Variants in KPNA3 observed in about 807,000 individuals in gnomAD.
KPNA3 encodes the protein karyopherin subunit alpha 3.
KPNA3 carries 13 observed loss-of-function variants against 73.8 expected under a neutral mutation model. The observed-to-expected ratio is 0.18, with a 90% CI of 0.11 to 0.28. The LOEUF is 0.28. Ranked by LOEUF, KPNA3 falls within the 10% of genes least tolerant of loss-of-function variation. The pLI is 1.00. For missense variants in KPNA3, 360 were observed against 618.1 expected (o/e 0.58, Z 4.43); for synonymous variants, 186 against 206.9 (o/e 0.90, Z 0.87).
chr13:49,791,978 G>A (rs1178211973), intron 1 of KPNA3, among the ~76,000 whole-genome samples: 1 of 152,328 alleles, frequency 6.6e-6, no homozygotes, highest in African/African-American at 2.4e-5. Flanking sequence ...AGCCCGGACC[G>A]GCAGAGCCGA....
At chr13:49,788,712 AC>A (rs1348851364) in intron 1 of KPNA3, among the ~76,000 whole-genome samples, 9 of 115,570 alleles carry the variant, frequency 7.8e-5, no homozygotes, top group African/African-American at 3.4e-4. Context: ...ACAGAGCCAG[AC>A]CCTCTTTTTT....
At chr13:49,759,824 G>A (rs189202726) in intron 1 of KPNA3, among the ~76,000 whole-genome samples, 48 of 152,280 alleles carry the variant, frequency 3.2e-4, no homozygotes, top group African/African-American at 8.2e-4. Flanking sequence ...AATGGGCCAC[G>A]GACTGGTAGT....
intron 2 of KPNA3, among the ~76,000 whole-genome samples, chr13:49,737,191 A>G (rs775785437): frequency 5.3e-5 from 8 of 152,214 alleles, no homozygotes; most frequent in Non-Finnish European, 1.0e-4. Flanking sequence ...ATATGAATAC[A>G]AATCTTCCTT....
chr13:49,710,843 A>G, intron 11 of KPNA3, 48 bp downstream of exon 11: 1 of 1,539,076 alleles, frequency 6.5e-7, no homozygotes, highest in Non-Finnish European at 8.9e-7. Context: ...TTAACTGGTT[A>G]TAGCAAACAC....
At chr13:49,714,569 T>C (rs1954288156) in intron 10 of KPNA3, among the ~76,000 whole-genome samples, 1 of 151,962 alleles carries the variant, frequency 6.6e-6, no homozygotes, top group Non-Finnish European at 1.5e-5. Flanking sequence ...TGAAACTAAC[T>C]CCACAAAAAA....
Position 49,700,953 on chromosome 13 carries a change from G to C in KPNA3, c.*847C>G, listed in dbSNP as rs1416549879. ...TTTTCCTTTATACTCAGGGACTCTT[G>C]CTTTCAACTTAAACAGAAGTTCAAG... On this transcript the variant is annotated 3_prime_UTR_variant, in exon 17 of 17. Transcript: ENST00000261667. The C allele has an allele frequency of 6.6e-6, 1 of 152,188 alleles. No homozygotes were observed. Among genetic ancestry groups the C allele is most frequent in the Non-Finnish European group, 1.5e-5 (1 of 67,972 alleles). The allele number at this position is 152,188 out of a possible 1,614,324, so 9.4% of individuals were successfully genotyped here. A position where few individuals can be genotyped will look rare whatever the true frequency, so the allele number is the denominator to read the frequency against.
intron 1 of KPNA3, among the ~76,000 whole-genome samples, chr13:49,787,602 G>A (rs902679574): frequency 6.6e-6 from 1 of 152,006 alleles, no homozygotes; most frequent in Non-Finnish European, 1.5e-5. Context: ...TGCCTCCCCG[G>A]TTCAAGTGAT....
Position 49,775,773 on chromosome 13 carries a change from A to G in KPNA3, c.69+16665T>C, listed in dbSNP as rs572271033. 1.1e-4 allele frequency among the ~76,000 whole-genome samples: 16 copies of G among 152,244 alleles called. No individual in the cohort carries two copies. The South Asian group carries it at 3.3e-3, about 32-fold the overall frequency. On this transcript the variant is annotated intron_variant, in intron 1 of 16. Transcript: ENST00000261667. ...CCCTTGAATAGAAGGATCTTGTTTC[A>G]TTCATTTTTATTTCCTTCTTGCTCC...
In KPNA3 at chr13:49,771,828, A is replaced by AT. The variant is rs139849301; in HGVS notation, c.69+20609dup. ...ACCATCAGACCTAGCTAATTTTGGT[A>AT]TTTTTTTTGTAGTGACGGGATCTAG... is the stretch of plus-strand genomic sequence containing the variant. On this transcript the variant is annotated intron_variant, in intron 1 of 16. Transcript: ENST00000261667. 9.4e-3 allele frequency among the ~76,000 whole-genome samples: 1,420 copies of AT among 151,802 alleles called. 18 individuals carry two copies. The highest frequency in any genetic ancestry group is 0.032 in the African/African-American group (1,310 of 41,410).
chr13:49,761,500 C>T (rs1158546216), intron 1 of KPNA3, among the ~76,000 whole-genome samples: 18 of 152,242 alleles, frequency 1.2e-4, no homozygotes, highest in African/African-American at 3.1e-4. Flanking sequence ...CTCGGCCTCC[C>T]GAGGTGCCAG....
At chr13:49,721,924 T>C (rs555013387) in intron 9 of KPNA3, 31 bp downstream of exon 9, 10 of 1,414,600 alleles carry the variant, frequency 7.1e-6, no homozygotes, top group East Asian at 2.4e-5. Flanking sequence ...AGGGAAAATA[T>C]ACCATCTGGC....
intron 2 of KPNA3, among the ~76,000 whole-genome samples, chr13:49,742,692 T>C (rs1954584132): frequency 6.6e-6 from 1 of 152,142 alleles, no homozygotes; most frequent in South Asian, 2.1e-4. Flanking sequence ...TACATCACTT[T>C]GGGTAGTACT....
chr13:49,720,776 A>C (rs949870072), intron 9 of KPNA3, among the ~76,000 whole-genome samples: 6 of 151,512 alleles, frequency 4.0e-5, no homozygotes, highest in Middle Eastern at 3.4e-3. Flanking sequence ...CAGTGAATAA[A>C]GGTTATGTAG....
intron 1 of KPNA3, among the ~76,000 whole-genome samples, chr13:49,750,399 TC>T (rs1954651803): frequency 6.6e-6 from 1 of 152,218 alleles, no homozygotes; most frequent in African/African-American, 2.4e-5. Flanking sequence ...ACGCCTGTAA[TC>T]CCAACACTTT....
At chr13:49,709,727 T>C (rs1285080733) in intron 11 of KPNA3, 27 bp from the exon 12 acceptor site, 2 of 1,595,446 alleles carry the variant, frequency 1.3e-6, no homozygotes, top group Non-Finnish European at 1.7e-6. Flanking sequence ...ATGTTTTCTA[T>C]AAATTTATTT....
intron 1 of KPNA3, among the ~76,000 whole-genome samples, chr13:49,781,004 A>C (rs1016776314): frequency 1.3e-5 from 2 of 152,136 alleles, no homozygotes; most frequent in Non-Finnish European, 2.9e-5. Context: ...TACAGGTGTA[A>C]GGCCACCGCG....
chr13:49,767,417 A>T (rs1436506483), intron 1 of KPNA3, among the ~76,000 whole-genome samples: 6 of 99,862 alleles, frequency 6.0e-5, no homozygotes, highest in African/African-American at 2.7e-4. Flanking sequence ...CTGTCTCAAT[A>T]AAAAAAAAAA....
chr13:49,750,522 C>G (rs1029434740), intron 1 of KPNA3, among the ~76,000 whole-genome samples: 3 of 151,906 alleles, frequency 2.0e-5, no homozygotes, highest in Non-Finnish European at 2.9e-5. Flanking sequence ...GTTCCAGCTA[C>G]TTGGGGGAGC....
At chr13:49,706,817 C>A (rs1020147755) in intron 12 of KPNA3, among the ~76,000 whole-genome samples, 1 of 151,792 alleles carries the variant, frequency 6.6e-6, no homozygotes, top group Non-Finnish European at 1.5e-5. Context: ...GGCGTGATCT[C>A]GGCTCACTGC....
Sources: gnomAD v4.1 joint callset for allele counts (sites outside exome capture counted in the v4.1 genomes callset) on GRCh38, gnomAD v4.1.1 for gene constraint, MANE v1.5 for transcripts, NCBI Gene and HGNC (gene_info 2026-07-23, HGNC 2026-07-21) for gene names.